The following TNS1 variants were observed in gnomAD, a reference collection of about 807,000 sequenced individuals.
The protein encoded by TNS1 is tensin 1.
TNS1 carries 62 observed loss-of-function variants against 168.6 expected under a neutral mutation model. That is an observed-to-expected ratio of 0.37 (90% CI 0.30 to 0.45). The LOEUF is 0.45. TNS1 is among the 20% of genes least tolerant of loss of function. The pLI is 1.00. For synonymous variants in TNS1, 934 were observed against 933.2 expected (o/e 1.00, Z -0.02); for missense variants, 2,240 against 2,339.4 (o/e 0.96, Z 0.88).
At chr2:217,845,015 G>A (rs1388274294) in intron 19 of TNS1, among the ~76,000 whole-genome samples, 3 of 152,224 alleles carry the variant, frequency 2.0e-5, no homozygotes, top group Non-Finnish European at 4.4e-5. Context: ...TGCTCCACAG[G>A]AAAGTGTGAT....
intron 18 of TNS1, chr2:217,850,268 G>C (rs1472704726): frequency 1.0e-6 from 1 of 985,280 alleles, no homozygotes; most frequent in African/African-American, 1.7e-5. Context: ...TGCCAGAGGG[G>C]ACACGCTTTT....
At chr2:218,002,513 C>G (rs546845580) in intron 1 of TNS1, among the ~76,000 whole-genome samples, 3 of 135,694 alleles carry the variant, frequency 2.2e-5, no homozygotes, top group East Asian at 4.3e-4. Context: ...GGATGCAAGT[C>G]GGGAGGAAAG....
chr2:217,993,621 C>A (rs965456570), intron 1 of TNS1, among the ~76,000 whole-genome samples: 3 of 152,198 alleles, frequency 2.0e-5, no homozygotes, highest in Non-Finnish European at 2.9e-5. Flanking sequence ...GAGGAGCTTT[C>A]CAGACTGAAG....
chr2:217,863,754 A>G (rs915140810), intron 18 of TNS1, among the ~76,000 whole-genome samples: 5 of 152,182 alleles, frequency 3.3e-5, no homozygotes, highest in Admixed American at 3.3e-4. Flanking sequence ...GAAGAGAAAG[A>G]CATGGCTGGA....
intron 30 of TNS1, among the ~76,000 whole-genome samples, chr2:217,809,513 A>G (rs767112284): frequency 7.2e-5 from 7 of 97,618 alleles, no homozygotes; most frequent in South Asian, 3.1e-4. Flanking sequence ...GCATGGATGG[A>G]TGGATGGATA....
chr2:217,895,071 A>C lies in TNS1; in HGVS notation c.544-15T>G, dbSNP rs1335791014. Reference sequence around the variant, plus strand: ...AGGTTGAACAGCTAGAAGGAGCAAAAGGAAGAGAGCATGAGGAGGTGAGGG... The same window carrying C: ...AGGTTGAACAGCTAGAAGGAGCAAACGGAAGAGAGCATGAGGAGGTGAGGG... On this transcript the variant is annotated splice_polypyrimidine_tract_variant and intron_variant, in intron 8 of 32. Coordinates refer to ENST00000682258, the MANE Select transcript of TNS1 (RefSeq NM_001387777.1). 1.9e-6 allele frequency: 3 copies of C among 1,607,724 alleles called. No homozygotes were observed. The highest frequency in any genetic ancestry group is 2.5e-6 in the Non-Finnish European group (3 of 1,176,840).
At chr2:217,842,012 A>G (rs1238095980) in intron 19 of TNS1, 10 of 698,790 alleles carry the variant, frequency 1.4e-5, no homozygotes, top group South Asian at 7.5e-5. Flanking sequence ...AGTGGCCAAC[A>G]TTGCCCCTGC....
intron 3 of TNS1, among the ~76,000 whole-genome samples, chr2:217,936,530 G>A (rs902444219): frequency 3.9e-5 from 6 of 152,158 alleles, no homozygotes; most frequent in African/African-American, 1.4e-4. Flanking sequence ...CCCCAGGGCT[G>A]AGGAATTTGA....
At chr2:217,952,814 C>T (rs993222743) in intron 3 of TNS1, among the ~76,000 whole-genome samples, 2 of 152,146 alleles carry the variant, frequency 1.3e-5, no homozygotes, top group Admixed American at 6.5e-5. Flanking sequence ...GAAGGGCCCC[C>T]AAATCAGGGA....
chr2:217,945,397 T>C (rs1480399434), intron 3 of TNS1, among the ~76,000 whole-genome samples: 1 of 152,158 alleles, frequency 6.6e-6, no homozygotes, highest in South Asian at 2.1e-4. Context: ...TGGCCAGTAC[T>C]TTGGAGGGCT....
chr2:217,804,306 G>T lies in TNS1; in HGVS notation c.*153C>A. 2 of 651,348 alleles carry T rather than the reference G, an allele frequency of 3.1e-6. No homozygotes were observed. The highest frequency in any genetic ancestry group is 5.1e-6 in the Non-Finnish European group (2 of 393,798). The allele number at this position is 651,348 out of a possible 1,614,324, so 40.3% of individuals were successfully genotyped here. A position where few individuals can be genotyped will look rare whatever the true frequency, so the allele number is the denominator to read the frequency against. On this transcript the variant is annotated 3_prime_UTR_variant, in exon 33 of 33. Coordinates refer to ENST00000682258, the MANE Select transcript of TNS1 (RefSeq NM_001387777.1). Reference sequence around the variant, plus strand: ...TCTCTCTCTTTTCCCCCTCCCCTCTGCAATTCACTTCCCTCTCCCCACGTT... The same window carrying T: ...TCTCTCTCTTTTCCCCCTCCCCTCTTCAATTCACTTCCCTCTCCCCACGTT...
In TNS1 at chr2:217,986,679, T is replaced by C; in HGVS notation, c.148+4263A>G. 1 of 152,664 alleles carries C rather than the reference T, an allele frequency of 6.6e-6. No homozygotes were observed. Among genetic ancestry groups the C allele is most frequent in the Non-Finnish European group, 1.5e-5 (1 of 68,326 alleles). 9.5% of individuals were successfully genotyped at this position (152,664 alleles called of 1,614,324 possible). ...AGACCCAACCTGCACATGCCTTCCCTGCTGAAGCCTGACAAGAACATCTCT... is the reference window on the plus strand; with the variant it reads ...AGACCCAACCTGCACATGCCTTCCCCGCTGAAGCCTGACAAGAACATCTCT... On this transcript the variant is annotated intron_variant, in intron 2 of 32. Coordinates refer to ENST00000682258, the MANE Select transcript of TNS1 (RefSeq NM_001387777.1). This position sits in a 1 kb window ranked among gnomAD's most constrained non-coding sequence, Gnocchi z 4.7.
At chr2:217,940,582 C>T (rs1225759136) in intron 3 of TNS1, among the ~76,000 whole-genome samples, 1 of 152,088 alleles carries the variant, frequency 6.6e-6, no homozygotes, top group Non-Finnish European at 1.5e-5. Flanking sequence ...CATGTAGTCC[C>T]TGACTGGAGA....
At chr2:217,907,049 G>T (rs183316600) in intron 5 of TNS1, among the ~76,000 whole-genome samples, 161 bp downstream of exon 5, 2 of 152,028 alleles carry the variant, frequency 1.3e-5, no homozygotes, top group African/African-American at 4.8e-5. Flanking sequence ...CCCAGAGTCA[G>T]CAGCCGCCCC....
chr2:217,863,436 C>G (rs1162028735), intron 18 of TNS1, among the ~76,000 whole-genome samples: 1 of 152,146 alleles, frequency 6.6e-6, no homozygotes, highest in African/African-American at 2.4e-5. Flanking sequence ...ATACACAGGA[C>G]AGACCCCCAC....
chr2:217,946,969 T>TCTCACACA (rs1553618866), intron 3 of TNS1, among the ~76,000 whole-genome samples: 80 of 118,862 alleles, frequency 6.7e-4, no homozygotes, highest in African/African-American at 3.1e-3. Flanking sequence ...TCTCTCTCTC[T>TCTCACACA]CACACACACA....
At chr2:217,825,735 G>T (rs1268769466) in intron 22 of TNS1, among the ~76,000 whole-genome samples, 1 of 152,154 alleles carries the variant, frequency 6.6e-6, no homozygotes, top group African/African-American at 2.4e-5. Flanking sequence ...CCTAAACACA[G>T]GCACCTGAGC....
At chr2:217,947,535 G>A (rs1234004077) in intron 3 of TNS1, among the ~76,000 whole-genome samples, 3 of 152,168 alleles carry the variant, frequency 2.0e-5, no homozygotes, top group African/African-American at 7.2e-5. Flanking sequence ...GGAGCTGGGG[G>A]TGGCGGGACA....
chr2:217,885,973 C>T, intron 14 of TNS1, 71 bp downstream of exon 14: 1 of 1,586,540 alleles, frequency 6.3e-7, no homozygotes, highest in Non-Finnish European at 8.6e-7. Flanking sequence ...CTCCTCTCCC[C>T]AACCTTCTGA....
Sources: allele counts gnomAD v4.1 joint callset (sites outside exome capture counted in the v4.1 genomes callset), GRCh38; gene constraint gnomAD v4.1.1; non-coding constraint Gnocchi (gnomAD v3.1); transcripts MANE v1.5; gene names NCBI Gene and HGNC (gene_info 2026-07-23, HGNC 2026-07-21).